The following SRGAP3 variants were observed in gnomAD, a reference collection of about 807,000 sequenced individuals.
The protein encoded by SRGAP3 is SLIT-ROBO Rho GTPase activating protein 3, also known as SLIT-ROBO Rho GTPase-activating protein 3.
In SRGAP3, 39 loss-of-function variants were observed where a neutral mutation model predicts 121.1. The observed-to-expected ratio is 0.32, with a 90% CI of 0.25 to 0.42. The LOEUF (loss-of-function observed/expected upper bound fraction) is 0.42, where lower values mean the gene tolerates loss of function less well. SRGAP3 is among the 10% of genes least tolerant of loss of function. The pLI, the probability that SRGAP3 is intolerant of heterozygous loss-of-function variation, is 1.00. For synonymous variants in SRGAP3, 601 were observed against 570.0 expected (o/e 1.05, Z -0.77); for missense variants, 1,213 against 1,470.6 (o/e 0.82, Z 2.86).
At chr3:9,118,960 T>C (rs1457414741) in intron 2 of SRGAP3, among the ~76,000 whole-genome samples, 3 of 152,180 alleles carry the variant, frequency 2.0e-5, no homozygotes, top group Admixed American at 6.5e-5. Context: ...CAAATCTAAT[T>C]ATCACTTGCC....
chr3:9,304,985 C>T (rs1955132605), intron 3 of SRGAP3, among the ~76,000 whole-genome samples: 6 of 152,210 alleles, frequency 3.9e-5, no homozygotes, highest in Admixed American at 3.9e-4. Context: ...TCACAACAAC[C>T]TTCAGAGGTT....
chr3:9,137,179 A>T lies in SRGAP3; in HGVS notation c.68-12262T>A, dbSNP rs1159255781. On this transcript the variant is annotated intron_variant, in intron 1 of 21. Coordinates refer to ENST00000383836, the MANE Select transcript of SRGAP3 (RefSeq NM_014850.4). Reference sequence around the variant, plus strand: ...ATCTGTTGGCCCCAAATCTTATACCACGTTGCCAGAGAGATGAGTGCCTGC... The same window carrying T: ...ATCTGTTGGCCCCAAATCTTATACCTCGTTGCCAGAGAGATGAGTGCCTGC... Among the ~76,000 whole-genome samples the T allele has an allele frequency of 2.0e-5, 3 of 152,102 alleles. No individual in the cohort carries two copies. In the East Asian group the frequency reaches 5.8e-4, roughly 29 times the overall value.
chr3:9,027,112 A>G, intron 12 of SRGAP3, 117 bp from the exon 13 acceptor site: 1 of 951,272 alleles, frequency 1.1e-6, no homozygotes, highest in Non-Finnish European at 1.7e-6. Flanking sequence ...GATTAGTAGG[A>G]AAACAAGCAA....
At chr3:9,312,311 C>T (rs575970813) in intron 3 of SRGAP3, among the ~76,000 whole-genome samples, 53 of 152,122 alleles carry the variant, frequency 3.5e-4, no homozygotes, top group South Asian at 4.1e-4. Context: ...CCCACCACCA[C>T]GCCCGGCTAA....
chr3:9,151,243 G>A (rs997829461), intron 1 of SRGAP3, among the ~76,000 whole-genome samples: 2 of 152,172 alleles, frequency 1.3e-5, no homozygotes, highest in East Asian at 1.9e-4. Flanking sequence ...AAGGACTGAG[G>A]AGAATGGGGG....
At chr3:9,321,842 A>T (rs1033946412) in intron 3 of SRGAP3, among the ~76,000 whole-genome samples, 1 of 151,622 alleles carries the variant, frequency 6.6e-6, no homozygotes, top group Non-Finnish European at 1.5e-5. Context: ...GAGGGAGAGG[A>T]TCAGAAAAAA....
rs1407670179 is a variant in SRGAP3, at chr3:9,095,016, C to T, written c.423+9664G>A. Among the ~76,000 whole-genome samples, 4 of 152,238 alleles carry T rather than the reference C, an allele frequency of 2.6e-5. No individual in the cohort carries two copies. In the East Asian group the frequency reaches 5.8e-4, roughly 22 times the overall value. On this transcript the variant is annotated intron_variant, in intron 3 of 21. Transcript: ENST00000383836. The stretch of plus-strand genomic sequence containing the variant: ...GCCTCAAGCAATCCTCCCACCTCAG[C>T]CTCCCGAAGTGCTGAGATTACAGGT...
At chr3:9,262,552 A>AAAAAAAAAAAAAAAAAAAAAC (rs1954276247) in intron 3 of SRGAP3, among the ~76,000 whole-genome samples, 1 of 149,224 alleles carries the variant, frequency 6.7e-6, no homozygotes, top group Admixed American at 6.7e-5. Flanking sequence ...AAAAAAAAAA[A>AAAAAAAAAAAAAAAAAAAAAC]AAAAGCAGTG....
intron 3 of SRGAP3, among the ~76,000 whole-genome samples, chr3:9,283,184 A>AC (rs574195363): frequency 8.4e-4 from 125 of 149,462 alleles, no homozygotes; most frequent in African/African-American, 2.2e-3. Flanking sequence ...CAGGTGATCC[A>AC]CCCCCCCTCG....
intron 1 of SRGAP3, among the ~76,000 whole-genome samples, chr3:9,176,903 G>A (rs939831542): frequency 1.3e-5 from 2 of 152,186 alleles, no homozygotes; most frequent in African/African-American, 4.8e-5. Flanking sequence ...GATTTGGGCA[G>A]GGACAAATAT....
At chr3:9,078,909 T>A (rs915923104) in intron 4 of SRGAP3, among the ~76,000 whole-genome samples, 2 of 152,210 alleles carry the variant, frequency 1.3e-5, no homozygotes, top group Non-Finnish European at 1.5e-5. Flanking sequence ...ATTGGGAGAC[T>A]GAGGCCCAGG....
chr3:9,240,745 AT>A (rs1953601907), intron 1 of SRGAP3, among the ~76,000 whole-genome samples: 1 of 152,108 alleles, frequency 6.6e-6, no homozygotes. Flanking sequence ...GACACCTAAA[AT>A]TTCTGGTTCC....
chr3:9,041,746 G>A (rs192893147), intron 10 of SRGAP3, among the ~76,000 whole-genome samples: 40 of 152,270 alleles, frequency 2.6e-4, no homozygotes, highest in Non-Finnish European at 4.4e-4. Flanking sequence ...TGAAACCAGT[G>A]CCATCTAGTA....
At chr3:9,086,518 A>C (rs980201062) in intron 3 of SRGAP3, among the ~76,000 whole-genome samples, 2 of 44,624 alleles carry the variant, frequency 4.5e-5, no homozygotes, top group South Asian at 1.3e-3. Context: ...AGACTGTTTC[A>C]AAAAAAAAAA....
intron 4 of SRGAP3, among the ~76,000 whole-genome samples, chr3:9,071,032 T>G (rs935363462): frequency 6.6e-6 from 1 of 152,018 alleles, no homozygotes; most frequent in Non-Finnish European, 1.5e-5. Flanking sequence ...GGGCTTGGGA[T>G]GGGGGTGGAG....
chr3:9,158,945 C>T (rs1313549014), intron 1 of SRGAP3, among the ~76,000 whole-genome samples: 1 of 152,192 alleles, frequency 6.6e-6, no homozygotes, highest in Non-Finnish European at 1.5e-5. Flanking sequence ...CAGAGCCCAT[C>T]GGCAGCCAGA....
At chr3:9,141,431 T>A (rs952119044) in intron 1 of SRGAP3, among the ~76,000 whole-genome samples, 1 of 145,490 alleles carries the variant, frequency 6.9e-6, no homozygotes, top group Non-Finnish European at 1.5e-5. Context: ...TCAGGCTGAG[T>A]GATTTATGTT....
chr3:9,033,268 T>C (rs1375012528), intron 11 of SRGAP3, among the ~76,000 whole-genome samples: 2 of 152,218 alleles, frequency 1.3e-5, no homozygotes, highest in Non-Finnish European at 2.9e-5. Flanking sequence ...TTTACTTCAT[T>C]GATCTAAGAG....
intron 3 of SRGAP3, among the ~76,000 whole-genome samples, chr3:9,089,996 G>A (rs528982680): frequency 5.3e-5 from 8 of 152,110 alleles, no homozygotes; most frequent in East Asian, 1.9e-4. Flanking sequence ...GAGCCTTTCC[G>A]TCCCTAGATC....
Sources: allele counts gnomAD v4.1 joint callset (sites outside exome capture counted in the v4.1 genomes callset), GRCh38; gene constraint gnomAD v4.1.1; transcripts MANE v1.5; gene names NCBI Gene and HGNC (gene_info 2026-07-23, HGNC 2026-07-21).